MUC3A: variants seen among roughly 807,000 people sequenced by gnomAD.
MUC3A encodes mucin 3A, cell surface associated.
In MUC3A, 109 loss-of-function variants were observed where a neutral mutation model predicts 109.0. The observed-to-expected ratio is 1.00, with a 90% CI of 0.86 to 1.17. The LOEUF (loss-of-function observed/expected upper bound fraction) is 1.17, where lower values mean the gene tolerates loss of function less well. Ranked by LOEUF, MUC3A falls within the 50% of genes most tolerant of loss-of-function variation. The pLI is 0.00. For synonymous variants in MUC3A, 1,398 were observed against 981.4 expected (o/e 1.42, Z -7.93); for missense variants, 3,537 against 2,469.4 (o/e 1.43, Z -9.16).
chr7:100,965,864 T>G lies in MUC3A; in HGVS notation c.9609T>G (p.Cys3203Trp), dbSNP rs1281995311. 1 of 1,591,760 alleles carries G rather than the reference T, an allele frequency of 6.3e-7. No homozygotes were observed. Among genetic ancestry groups the G allele is most frequent in the Admixed American group, 1.7e-5 (1 of 59,642 alleles). The change falls in exon 8 of 12, where the codon TGT becomes TGG. Residue 3203 changes from cysteine to tryptophan, a missense_variant and splice_region_variant. Coordinates refer to ENST00000379458, the MANE Select transcript of MUC3A (RefSeq NM_005960.2). ...TTCTGGAGACGAGCGGTCCCACGTG[T>G]CGGTAAGGCCCCGCTCACCATCGGC... ...QCVLETSGPT[C>W]RCYSTDTHWF...
intron 1 of MUC3A, among the ~76,000 whole-genome samples, chr7:100,950,198 T>C (rs900033136): frequency 6.6e-6 from 1 of 152,274 alleles, no homozygotes; most frequent in African/African-American, 2.4e-5. Context: ...TCCCCAGCTC[T>C]GCCGTCACTC....
At chr7:100,963,901 G>C in intron 5 of MUC3A, 149 bp downstream of exon 5, 1 of 1,129,568 alleles carries the variant, frequency 8.9e-7, no homozygotes, top group Non-Finnish European at 1.3e-6. Flanking sequence ...GTATTTTTTC[G>C]GATCGTTTTC....
At position 100,959,030 on chromosome 7, in the gene MUC3A, G is replaced by A. The variant is rs746023846; in HGVS notation, c.7251G>A (p.Glu2417=). ...TCACTTCTTCAATCACCACCACTGA[G>A]ACTACCTCACACAGTACTCCTGGCT... is the stretch of plus-strand genomic sequence containing the variant. ...PGLTSSITTT[E]TTSHSTPGFT... The change falls in exon 2 of 12, where the codon GAG becomes GAA. Residue 2417 remains glutamate, a synonymous_variant. Transcript: ENST00000379458. 1 of 1,533,688 alleles carries A rather than the reference G, an allele frequency of 6.5e-7. No homozygotes were observed. The highest frequency in any genetic ancestry group is 1.4e-5 in the African/African-American group (1 of 69,846).
Position 100,952,902 on chromosome 7 carries a change from C to T in MUC3A, c.1123C>T (p.Pro375Ser), listed in dbSNP as rs1584799825. ...TCTCCCACCCACCTCTTCCTCTCTC[C>T]CAACCACAGAAACAGCCACGACTCC... ...TSLPPTSSSL[P>S]TTETATTPMT... The change falls in exon 2 of 12, where the codon CCA (proline) becomes TCA (serine). Residue 375 changes from proline (P) to serine (S), a missense_variant. Physicochemically the swap from Pro to Ser is moderately conservative, Grantham distance 74. Transcript: ENST00000379458. 6.3e-7 allele frequency: 1 copy of T among 1,577,812 alleles called. No homozygotes were observed. Among genetic ancestry groups the T allele is most frequent in the Non-Finnish European group, 8.5e-7 (1 of 1,169,944 alleles).
In MUC3A at chr7:100,963,181, T is replaced by C. The variant is rs1792397783; in HGVS notation, c.9083T>C (p.Val3028Ala). The change falls in exon 4 of 12, where the codon GTG becomes GCG. Residue 3028 changes from valine (V) to alanine (A), a missense_variant. Physicochemically the swap from Val to Ala is moderately conservative, Grantham distance 64. Coordinates refer to ENST00000379458, the MANE Select transcript of MUC3A (RefSeq NM_005960.2). ...DVVETEVGME[V>A]SVDQQFSPDL... ...GTGGAGACCGAGGTGGGCATGGAAGTGTCTGTGGATCAGCAGTTCTCGCCG... is the reference window on the plus strand; with the variant it reads ...GTGGAGACCGAGGTGGGCATGGAAGCGTCTGTGGATCAGCAGTTCTCGCCG... The C allele has an allele frequency of 1.9e-6, 3 of 1,592,770 alleles. No homozygotes were observed. The highest frequency in any genetic ancestry group is 2.2e-5 in the East Asian group (1 of 44,648).
Position 100,952,594 on chromosome 7 carries a change from T to C in MUC3A, c.815T>C (p.Met272Thr), listed in dbSNP as rs1173917928. 1.9e-6 allele frequency: 3 copies of C among 1,598,512 alleles called. No homozygotes were observed. Among genetic ancestry groups the C allele is most frequent in the South Asian group, 2.2e-5 (2 of 91,080 alleles). The change falls in exon 2 of 12, where the codon ATG (methionine) becomes ACG (threonine). Residue 272 changes from methionine (M) to threonine (T), a missense_variant. Coordinates refer to ENST00000379458, the MANE Select transcript of MUC3A (RefSeq NM_005960.2). The stretch of plus-strand genomic sequence containing the variant: ...ACTTCCACAAATACAGTGACTTCTA[T>C]GACAACGACCGCCTCCCAGCCCACA... ...SITSTNTVTS[M>T]TTTASQPTAT...
At chr7:100,962,681 TCTC>T (rs1563072924) in intron 3 of MUC3A, among the ~76,000 whole-genome samples, 69 of 95,896 alleles carry the variant, frequency 7.2e-4, no homozygotes, top group African/African-American at 1.6e-3. Flanking sequence ...TTTTTTTCTT[TCTC>T]TTTTTCTTTC....
rs756600581 is a variant in MUC3A at position 100,965,797 on chromosome 7, C to CG, written c.9547dup (p.Val3183GlyfsTer94). The CG allele has an allele frequency of 1.4e-5, 22 of 1,597,464 alleles. No individual in the cohort carries two copies. Among genetic ancestry groups the CG allele is most frequent in the Non-Finnish European group, 1.8e-5 (21 of 1,179,060 alleles). Reference sequence around the variant, plus strand: ...CTCCGCTGTGTCACCAAATGCACGTCGGGGGTGGACAACGCCATCGACTGT... The same window carrying CG: ...CTCCGCTGTGTCACCAAATGCACGTCGGGGGGTGGACAACGCCATCGACTGT... On this transcript the variant is annotated frameshift_variant, in exon 8 of 12. Coordinates refer to ENST00000379458, the MANE Select transcript of MUC3A (RefSeq NM_005960.2). LOFTEE classifies it high-confidence loss of function.
At chr7:100,963,585 G>C (rs547179939) in intron 4 of MUC3A, 103 bp from the exon 5 acceptor site, 1 of 1,560,570 alleles carries the variant, frequency 6.4e-7, no homozygotes, top group Non-Finnish European at 8.7e-7. Context: ...GCACCCGGCC[G>C]GGGAGGGGAA....
intron 1 of MUC3A, among the ~76,000 whole-genome samples, chr7:100,950,625 ACCTCC>A (rs903369036): frequency 5.9e-5 from 9 of 152,420 alleles, no homozygotes; most frequent in African/African-American, 9.6e-5. Flanking sequence ...CAGGTCGGGT[ACCTCC>A]CACTTCCCAT....
In MUC3A at chr7:100,959,952, G is replaced by A. The variant is rs373395245; in HGVS notation, c.8173G>A (p.Ala2725Thr). The change falls in exon 2 of 12, where the codon GCT becomes ACT. Residue 2725 changes from alanine to threonine, a missense_variant. Physicochemically the swap from Ala to Thr is moderately conservative, Grantham distance 58. Transcript: ENST00000379458. Reference protein sequence around the residue: ...YIFSTENVGSASITGFPSLSS... With the variant: ...YIFSTENVGSTSITGFPSLSS... ...TTTCAGTACAGAAAATGTGGGCTCC[G>A]CTTCTATCACAGGCTTTCCTAGTCT... 2.2e-4 allele frequency: 331 copies of A among 1,509,594 alleles called. No individual in the cohort carries two copies. The African/African-American group carries it at 3.6e-3, about 16-fold the overall frequency. The allele number at this position is 1,509,594 out of a possible 1,614,324, so 93.5% of individuals were successfully genotyped here.
In MUC3A at chr7:100,966,556, G is replaced by A. The variant is rs1394511730; in HGVS notation, c.9782G>A (p.Gly3261Asp). ...GGATGGTGGGGCGGCCAGCGCCGAG[G>A]CCGGTGAGCGTGCGGGGGGCGGGGC... Reference protein sequence around the residue: ...RSGWWGGQRRGRSWDQDRKWF... With the variant: ...RSGWWGGQRRDRSWDQDRKWF... Residue 3261 changes from glycine (G) to aspartate (D), a missense_variant, in exon 9 of 12, where the codon GGC becomes GAC. Transcript: ENST00000379458. 3 of 1,444,604 alleles carry A rather than the reference G, an allele frequency of 2.1e-6. No individual in the cohort carries two copies. The highest frequency in any genetic ancestry group is 2.9e-5 in the African/African-American group (2 of 68,568). 89.5% of individuals were successfully genotyped at this position (1,444,604 alleles called of 1,614,324 possible).
rs1792645055 is a variant in MUC3A at position 100,967,508 on chromosome 7, C to T, written c.*346C>T. 1.9e-6 allele frequency: 1 copy of T among 518,088 alleles called. No individual in the cohort carries two copies. The highest frequency in any genetic ancestry group is 3.1e-5 in the South Asian group (1 of 32,774). The allele number at this position is 518,088 out of a possible 1,614,324, so 32.1% of individuals were successfully genotyped here. On this transcript the variant is annotated 3_prime_UTR_variant, in exon 12 of 12. Coordinates refer to ENST00000379458, the MANE Select transcript of MUC3A (RefSeq NM_005960.2). ...TGGTCAATTCTCGGTCCTACTCTGC[C>T]CTCCCGTCTCAGCCCTCGTGTTGCC...
At position 100,956,968 on chromosome 7, in the gene MUC3A, C is replaced by T. The variant is rs965754241; in HGVS notation, c.5189C>T (p.Thr1730Ile). The change falls in exon 2 of 12, where the codon ACC (threonine) becomes ATC (isoleucine). Residue 1730 changes from threonine to isoleucine, a missense_variant. Coordinates refer to ENST00000379458, the MANE Select transcript of MUC3A (RefSeq NM_005960.2). ...ACAGGCACAGGTCAGACTACATTCACCAGTTCAACAGCCACATCCCCTAAG... is the reference window on the plus strand; with the variant it reads ...ACAGGCACAGGTCAGACTACATTCATCAGTTCAACAGCCACATCCCCTAAG... Reference protein sequence around the residue: ...ATTGTGQTTFTSSTATSPKTT... With the variant: ...ATTGTGQTTFISSTATSPKTT... The T allele has an allele frequency of 3.7e-3, 1,564 of 426,992 alleles. No homozygotes were observed. Among genetic ancestry groups the T allele is most frequent in the African/African-American group, 0.027 (1,313 of 48,530 alleles). 26.5% of individuals were successfully genotyped at this position (426,992 alleles called of 1,614,324 possible).
intron 1 of MUC3A, among the ~76,000 whole-genome samples, chr7:100,950,418 C>T (rs558016242): frequency 5.2e-5 from 8 of 152,404 alleles, no homozygotes; most frequent in African/African-American, 1.2e-4. Flanking sequence ...TTCTGATCCC[C>T]GATCCCAGGC....
rs1171031869 is a variant in MUC3A at position 100,962,231 on chromosome 7, CAAAAAAAAAAAAAAAAAAA to C, written c.9053-902_9053-884del. Among the ~76,000 whole-genome samples the C allele has an allele frequency of 4.0e-4, 6 of 15,032 alleles. 2 individuals are homozygous for C. The East Asian group carries it at 0.038, about 95-fold the overall frequency. The allele number at this position is 15,032 out of a possible 152,430, so 9.9% of individuals were successfully genotyped here. ...TGGGCGACAGAGCGAGACTCCGTCT[CAAAAAAAAAAAAAAAAAAA>C]AAAAAAAAAAAAAAAAACTTACCTG... On this transcript the variant is annotated intron_variant, in intron 3 of 11. Transcript: ENST00000379458.
chr7:100,959,508 C>T lies in MUC3A; in HGVS notation c.7729C>T (p.Pro2577Ser), dbSNP rs955118299. ...STSIVVIPETPTQTPPVLTSA... is the reference protein window; with the variant it reads ...STSIVVIPETSTQTPPVLTSA... ...AAGTATTGTTGTTATACCTGAAACC[C>T]CAACACAGACCCCTCCTGTACTGAC... Residue 2577 changes from proline (P) to serine (S), a missense_variant, in exon 2 of 12, where the codon CCA (proline) becomes TCA (serine). Transcript: ENST00000379458. 4.4e-6 allele frequency: 7 copies of T among 1,575,434 alleles called. No individual in the cohort carries two copies. In the African/African-American group the frequency reaches 9.4e-5, roughly 21 times the overall value.
chr7:100,966,317 G>A, intron 8 of MUC3A, 69 bp from the exon 9 acceptor site: 1 of 1,262,872 alleles, frequency 7.9e-7, no homozygotes, highest in Non-Finnish European at 9.9e-7. Flanking sequence ...CCGCCCCCGC[G>A]GGGCCCAGGT....
rs1318279443 is a variant in MUC3A at position 100,959,538 on chromosome 7, G to A, written c.7759G>A (p.Ala2587Thr). 6 of 1,590,068 alleles carry A rather than the reference G, an allele frequency of 3.8e-6. No individual in the cohort carries two copies. In the African/African-American group the frequency reaches 6.7e-5, roughly 18 times the overall value. Residue 2587 changes from alanine (A) to threonine (T), a missense_variant, in exon 2 of 12, where the codon GCC becomes ACC. Coordinates refer to ENST00000379458, the MANE Select transcript of MUC3A (RefSeq NM_005960.2). ...ACAGACCCCTCCTGTACTGACGTCA[G>A]CCACTGGGACCCAAACATCTCCTGC... ...PTQTPPVLTS[A>T]TGTQTSPAPT... is the part of the protein sequence containing the mutation.
Sources: gnomAD v4.1 joint callset for allele counts (sites outside exome capture counted in the v4.1 genomes callset) on GRCh38, gnomAD v4.1.1 for gene constraint, MANE v1.5 for transcripts, NCBI Gene and HGNC (gene_info 2026-07-23, HGNC 2026-07-21) for gene names.